Variants in NAV2 observed in about 807,000 individuals in gnomAD.
The protein encoded by NAV2 is helicase, APC down-regulated 1.
A neutral mutation model predicts 223.2 loss-of-function variants in NAV2; 54 were observed. The ratio of observed to expected loss-of-function variants is 0.24; its 90% CI spans 0.19 to 0.30. The LOEUF (loss-of-function observed/expected upper bound fraction) is 0.30. Among genes scored for constraint, NAV2 ranks in the 10% least tolerant of loss-of-function variants. The pLI, the probability that NAV2 is intolerant of heterozygous loss-of-function variation, is 1.00. For missense variants in NAV2, 2,806 were observed against 3,147.5 expected (o/e 0.89, Z 2.60); for synonymous variants, 1,279 against 1,239.3 (o/e 1.03, Z -0.67).
intron 1 of NAV2, among the ~76,000 whole-genome samples, chr11:19,723,752 C>T (rs2050975865): frequency 6.6e-6 from 1 of 152,228 alleles, no homozygotes; most frequent in African/African-American, 2.4e-5. Context: ...GCTGCCGGCC[C>T]AGCAGGGTCC....
At chr11:19,709,704 A>G (rs1191057965), upstream of NAV2, among the ~76,000 whole-genome samples, 5 of 151,732 alleles carry the variant, frequency 3.3e-5, no homozygotes, top group East Asian at 1.9e-4. Flanking sequence ...GTGTGGTGGC[A>G]TGCGCCTGTA....
At chr11:19,801,703 A>G (rs562201622) in intron 1 of NAV2, among the ~76,000 whole-genome samples, 1 of 152,206 alleles carries the variant, frequency 6.6e-6, no homozygotes, top group African/African-American at 2.4e-5. Context: ...AAAGAAGGGC[A>G]GTCTCTGGCT....
intron 36 of NAV2, among the ~76,000 whole-genome samples, chr11:20,110,147 C>T (rs1798898626): frequency 6.6e-6 from 1 of 152,198 alleles, no homozygotes; most frequent in Non-Finnish European, 1.5e-5. Context: ...CTCACTAGTT[C>T]AGTGTGAGGC....
At chr11:19,647,812 T>G (rs969334885) in intron 1 of NAV2, among the ~76,000 whole-genome samples, 1 of 152,218 alleles carries the variant, frequency 6.6e-6, no homozygotes, top group African/African-American at 2.4e-5. Context: ...TTCTGGCTCT[T>G]TCTCCTAACT....
intron 20 of NAV2, among the ~76,000 whole-genome samples, chr11:20,063,319 T>G (rs1375510502): frequency 6.6e-6 from 1 of 152,186 alleles, no homozygotes; most frequent in Non-Finnish European, 1.5e-5. Context: ...TACATTTAGA[T>G]CTTCAGTACT....
At position 19,428,537 on chromosome 11, in the gene NAV2, C is replaced by T. The variant is rs114250885; in HGVS notation, c.75+77510C>T. On this transcript the variant is annotated intron_variant, in intron 1 of 37. Coordinates refer to the NAV2 transcript ENST00000360655. Reference sequence around the variant, plus strand: ...ACACTGAATTCAGATTTGGATTACCCGAGTTAGGATAAATGCAGCTTGTGT... The same window carrying T: ...ACACTGAATTCAGATTTGGATTACCTGAGTTAGGATAAATGCAGCTTGTGT... Among the ~76,000 whole-genome samples the T allele has an allele frequency of 1.6e-3, 248 of 152,312 alleles. 3 individuals carry two copies. The highest frequency in any genetic ancestry group is 5.5e-3 in the African/African-American group (227 of 41,568).
intron 1 of NAV2, among the ~76,000 whole-genome samples, chr11:19,501,960 T>C (rs1262948035): frequency 6.6e-6 from 1 of 152,172 alleles, no homozygotes; most frequent in Non-Finnish European, 1.5e-5. Flanking sequence ...CTTTTTAGCT[T>C]TGCTCCGCAT....
intron 1 of NAV2, among the ~76,000 whole-genome samples, chr11:19,832,151 T>G (rs1201619507): frequency 2.0e-5 from 3 of 152,210 alleles, no homozygotes; most frequent in African/African-American, 7.2e-5. Context: ...TGCTTGCATC[T>G]AGAGTCGCAG....
intron 4 of NAV2, among the ~76,000 whole-genome samples, chr11:19,870,971 T>C (rs2062452528): frequency 6.6e-6 from 1 of 152,182 alleles, no homozygotes; most frequent in Non-Finnish European, 1.5e-5. Flanking sequence ...TTATAGCCCA[T>C]GGAGGCACAT....
At chr11:20,097,517 G>A in intron 30 of NAV2, 60 bp from the exon 31 acceptor site, 1 of 1,319,762 alleles carries the variant, frequency 7.6e-7, no homozygotes, top group Non-Finnish European at 1.0e-6. Flanking sequence ...GGGAAAACAT[G>A]AGTCATGGGC....
At chr11:19,644,987 G>A (rs2004787) in intron 1 of NAV2, among the ~76,000 whole-genome samples, 8,373 of 152,204 alleles carry the variant, frequency 0.055, 524 homozygotes, top group African/African-American at 0.15. Flanking sequence ...AAAAGAAGGT[G>A]GACGTATTAG....
intron 1 of NAV2, among the ~76,000 whole-genome samples, chr11:19,591,613 AG>A (rs1432156314): frequency 1.3e-5 from 2 of 152,288 alleles, no homozygotes; most frequent in African/African-American, 4.8e-5. Context: ...GTTATTGTCT[AG>A]GGGGAAAGAT....
chr11:19,443,914 CTTATTA>C (rs971634419), intron 1 of NAV2, among the ~76,000 whole-genome samples: 4 of 152,082 alleles, frequency 2.6e-5, no homozygotes, highest in Non-Finnish European at 4.4e-5. Context: ...GACAACTCCT[CTTATTA>C]TTATTATTAT....
In NAV2 at chr11:19,584,406, C is replaced by G. The variant is rs879690775; in HGVS notation, c.75+233379C>G. 6.6e-5 allele frequency among the ~76,000 whole-genome samples: 10 copies of G among 152,152 alleles called. No homozygotes were observed. In the South Asian group the frequency reaches 8.3e-4, roughly 13 times the overall value. On this transcript the variant is annotated intron_variant, in intron 1 of 37. Transcript: ENST00000360655. ...AGTTCTGCTTTGATTTTAGTTATTT[C>G]TTGCCTTCTGCTAGCTTTTGAATGT...
At chr11:19,848,320 C>T (rs368536530) in intron 3 of NAV2, among the ~76,000 whole-genome samples, 2 of 152,306 alleles carry the variant, frequency 1.3e-5, no homozygotes, top group South Asian at 2.1e-4. Flanking sequence ...GGGTAGGTAG[C>T]CCAGGACAGG....
At chr11:19,684,245 A>C (rs1026405560) in intron 1 of NAV2, among the ~76,000 whole-genome samples, 1 of 152,180 alleles carries the variant, frequency 6.6e-6, no homozygotes, top group Non-Finnish European at 1.5e-5. Flanking sequence ...TTTCATGCCA[A>C]CTGTTATATC....
At chr11:19,527,481 A>G (rs192636957) in intron 1 of NAV2, among the ~76,000 whole-genome samples, 1 of 151,614 alleles carries the variant, frequency 6.6e-6, no homozygotes, top group Non-Finnish European at 1.5e-5. Flanking sequence ...CGATAGCCAC[A>G]CTCCCTTGCC....
chr11:19,935,967 C>T (rs7930004), intron 7 of NAV2, among the ~76,000 whole-genome samples: 1 of 144,576 alleles, frequency 6.9e-6, no homozygotes, highest in African/African-American at 2.5e-5. Context: ...AAGCAATTCT[C>T]CTGCCTCAGC....
intron 1 of NAV2, among the ~76,000 whole-genome samples, chr11:19,368,331 A>C (rs1057321960): frequency 2.0e-5 from 3 of 152,302 alleles, no homozygotes; most frequent in Non-Finnish European, 2.9e-5. Context: ...GCTTTTGGGT[A>C]GAAACAAACA....
Sources: allele counts gnomAD v4.1 joint callset (sites outside exome capture counted in the v4.1 genomes callset), GRCh38; gene constraint gnomAD v4.1.1; transcripts MANE v1.5; gene names NCBI Gene and HGNC (gene_info 2026-07-23, HGNC 2026-07-21).